SLC1A6: variants seen among roughly 807,000 people sequenced by gnomAD.
SLC1A6 encodes the protein solute carrier family 1 member 6.
SLC1A6 carries 15 observed loss-of-function variants against 42.1 expected under a neutral mutation model. That is an observed-to-expected ratio of 0.36 (90% confidence interval 0.24 to 0.55). The LOEUF is 0.55. Among genes scored for constraint, SLC1A6 ranks in the 20% least tolerant of loss-of-function variants. SLC1A6 has a pLI of 0.88. For missense variants in SLC1A6, 542 were observed against 772.5 expected, an observed-to-expected ratio of 0.70 and a Z score of 3.54; for synonymous variants, 317 against 319.7, an observed-to-expected ratio of 0.99 and a Z score of 0.09.
chr19:14,985,794 C>T (rs1362340870), intron 1 of SLC1A6, among the ~76,000 whole-genome samples: 3 of 152,140 alleles, frequency 2.0e-5, no homozygotes, highest in African/African-American at 7.2e-5. Flanking sequence ...AAAAATCCAT[C>T]TCTACTTACA....
intron 1 of SLC1A6, among the ~76,000 whole-genome samples, chr19:14,988,616 C>G (rs904241865): frequency 6.6e-6 from 1 of 152,120 alleles, no homozygotes; most frequent in South Asian, 2.1e-4. Context: ...AGAATATACA[C>G]CATAGAATAC....
intron 1 of SLC1A6, among the ~76,000 whole-genome samples, chr19:15,000,902 A>G (rs1391392802): frequency 6.6e-6 from 1 of 152,200 alleles, no homozygotes; most frequent in East Asian, 1.9e-4. Flanking sequence ...ACTCCAACAT[A>G]TCTTTTTCTG....
chr19:14,987,630 G>C (rs1266060427), intron 1 of SLC1A6, among the ~76,000 whole-genome samples: 1 of 152,116 alleles, frequency 6.6e-6, no homozygotes, highest in African/African-American at 2.4e-5. Context: ...AAGTGAGCAG[G>C]GAGGATGACT....
intron 3 of SLC1A6, among the ~76,000 whole-genome samples, chr19:14,968,709 C>T (rs2045602961): frequency 6.6e-6 from 1 of 152,020 alleles, no homozygotes; most frequent in African/African-American, 2.4e-5. Flanking sequence ...AAATACACAC[C>T]CTCACACGCC....
chr19:15,004,539 C>CAAAA (rs148218390), intron 1 of SLC1A6, among the ~76,000 whole-genome samples: 1,908 of 120,408 alleles, frequency 0.016, 114 homozygotes, highest in African/African-American at 0.051. Flanking sequence ...CTCACCTCTA[C>CAAAA]AAAAAAAAAA....
chr19:14,981,956 A>T (rs2045770375), upstream of SLC1A6, among the ~76,000 whole-genome samples: 2 of 151,936 alleles, frequency 1.3e-5, no homozygotes, highest in South Asian at 4.1e-4. Flanking sequence ...TGAGTCCAAG[A>T]GGTTGAATCT....
chr19:14,984,707 T>C (rs574477852), upstream of SLC1A6, among the ~76,000 whole-genome samples: 5 of 152,346 alleles, frequency 3.3e-5, no homozygotes, highest in Admixed American at 6.5e-5. Flanking sequence ...ATTTGAAAAA[T>C]GTTAGCTCAC....
In SLC1A6 at chr19:14,950,115, G is replaced by C; in HGVS notation, c.*80C>G. On this transcript the variant is annotated 3_prime_UTR_variant, in exon 10 of 10. Coordinates refer to ENST00000594383, the MANE Select transcript of SLC1A6 (RefSeq NM_005071.3). ...AGAACGTGTGTTCAGCCCACGGTCA[G>C]TTGGGCAACAGATGTGTCACCAGGA... 1 of 1,070,946 alleles carries C rather than the reference G, an allele frequency of 9.3e-7. No homozygotes were observed. Among genetic ancestry groups the C allele is most frequent in the South Asian group, 1.9e-5 (1 of 52,778 alleles). The allele number at this position is 1,070,946 out of a possible 1,614,324, so 66.3% of individuals were successfully genotyped here. A position where few individuals can be genotyped will look rare whatever the true frequency, so the allele number is the denominator to read the frequency against.
chr19:15,006,743 G>C (rs2045897393), intron 1 of SLC1A6, among the ~76,000 whole-genome samples: 1 of 139,048 alleles, frequency 7.2e-6, no homozygotes, highest in Non-Finnish European at 1.5e-5. Flanking sequence ...GGGAAAGATA[G>C]CAAGACCCTG....
chr19:14,958,662 TTCC>T (rs1424174365), intron 6 of SLC1A6, among the ~76,000 whole-genome samples: 18 of 152,174 alleles, frequency 1.2e-4, no homozygotes, highest in Admixed American at 1.1e-3. Flanking sequence ...CTCTCTCAAC[TTCC>T]TCACCTCCAT....
chr19:14,951,078 CAAAA>C (rs59828742), intron 9 of SLC1A6, among the ~76,000 whole-genome samples: 35 of 79,806 alleles, frequency 4.4e-4, no homozygotes, highest in African/African-American at 1.7e-3. Context: ...ACTAAAAATA[CAAAA>C]AAAAAAAAAA....
intron 1 of SLC1A6, among the ~76,000 whole-genome samples, chr19:14,992,119 C>T (rs907418932): frequency 6.6e-6 from 1 of 152,236 alleles, no homozygotes; most frequent in African/African-American, 2.4e-5. Context: ...AGCCAACGCG[C>T]CCAGTGCCTT....
chr19:14,975,935 T>A (rs971697615), intron 1 of SLC1A6, among the ~76,000 whole-genome samples: 7 of 135,352 alleles, frequency 5.2e-5, no homozygotes, highest in African/African-American at 2.0e-4. Context: ...AGGGGACTTT[T>A]CTGTGGGTCC....
At chr19:14,961,743 G>GA (rs2045513628) in intron 6 of SLC1A6, 2 of 451,180 alleles carry the variant, frequency 4.4e-6, no homozygotes, top group South Asian at 6.7e-5. Context: ...AGAAGGACAT[G>GA]AATGAATGAA....
At chr19:14,958,801 A>C (rs2045484977) in intron 6 of SLC1A6, among the ~76,000 whole-genome samples, 1 of 152,182 alleles carries the variant, frequency 6.6e-6, no homozygotes, top group Non-Finnish European at 1.5e-5. Context: ...ACACTGCTAT[A>C]AATTCATTGT....
At chr19:14,954,697 G>A (rs534486014) in intron 7 of SLC1A6, among the ~76,000 whole-genome samples, 5 of 152,242 alleles carry the variant, frequency 3.3e-5, no homozygotes, top group East Asian at 1.9e-4. Context: ...CAGGTGGGGG[G>A]CTCCTCAAGA....
intron 1 of SLC1A6, among the ~76,000 whole-genome samples, chr19:14,985,133 C>T (rs2045787110): frequency 2.0e-5 from 3 of 152,230 alleles, no homozygotes; most frequent in Non-Finnish European, 4.4e-5. Flanking sequence ...CCGCCCGCAT[C>T]GGCCTCCCGA....
At chr19:14,969,146 C>T (rs55975553) in intron 3 of SLC1A6, among the ~76,000 whole-genome samples, 19,763 of 152,110 alleles carry the variant, frequency 0.13, 1,629 homozygotes, top group African/African-American at 0.24. Flanking sequence ...GGCCCATAAC[C>T]TAACTTTCAT....
intron 5 of SLC1A6, 120 bp downstream of exon 5, chr19:14,964,199 C>A (rs887168674): frequency 6.2e-6 from 5 of 804,266 alleles, no homozygotes; most frequent in Admixed American, 3.6e-5. Context: ...TCCTCAAGAA[C>A]CCCTGCCCAT....
Sources: gnomAD v4.1 joint callset for allele counts (sites outside exome capture counted in the v4.1 genomes callset) on GRCh38, gnomAD v4.1.1 for gene constraint, MANE v1.5 for transcripts, NCBI Gene and HGNC (gene_info 2026-07-23, HGNC 2026-07-21) for gene names.